RBPJ: variants seen among roughly 807,000 people sequenced by gnomAD.
The protein encoded by RBPJ is recombining binding protein suppressor of hairless.
A neutral mutation model predicts 67.8 loss-of-function variants in RBPJ; 9 were observed. The observed-to-expected ratio is 0.13, with a 90% confidence interval of 0.08 to 0.23. RBPJ has a LOEUF of 0.23. Among genes scored for constraint, RBPJ ranks in the 10% least tolerant of loss-of-function variants. RBPJ has a pLI of 1.00. For missense variants in RBPJ, 305 were observed against 595.6 expected (o/e 0.51, Z 5.08); for synonymous variants, 198 against 203.3 (o/e 0.97, Z 0.22).
At chr4:26,244,247 GTACACA>G (rs1339710857) in intron 1 of RBPJ, among the ~76,000 whole-genome samples, 69 of 3,096 alleles carry the variant, frequency 0.022, 2 homozygotes, top group African/African-American at 0.04. Flanking sequence ...CTATATATGT[GTACACA>G]TACACATATG....
the RBPJ span, among the ~76,000 whole-genome samples, chr4:26,125,399 C>G: frequency 5.9e-5 from 9 of 152,168 alleles, no homozygotes; most frequent in Non-Finnish European, 1.3e-4. Flanking sequence ...TTTATGTATC[C>G]TGTAATCTCT....
At chr4:26,399,498 ATTCTC>A (rs1265049780) in intron 2 of RBPJ, among the ~76,000 whole-genome samples, 4 of 149,846 alleles carry the variant, frequency 2.7e-5, no homozygotes, top group African/African-American at 9.7e-5. Flanking sequence ...TCACTGTAGT[ATTCTC>A]TTTGTGGTAT....
At chr4:26,303,294 T>TAA (rs1722137829) in intron 1 of RBPJ, among the ~76,000 whole-genome samples, 1 of 146,978 alleles carries the variant, frequency 6.8e-6, no homozygotes, top group South Asian at 2.1e-4. Flanking sequence ...TATATATATA[T>TAA]AATCTTTATG....
chr4:26,260,717 C>T (rs1577367291), intron 1 of RBPJ, among the ~76,000 whole-genome samples: 1 of 152,180 alleles, frequency 6.6e-6, no homozygotes, highest in Non-Finnish European at 1.5e-5. Flanking sequence ...CACTCTCTTA[C>T]TCCTTTGTAA....
intron 1 of RBPJ, among the ~76,000 whole-genome samples, chr4:26,181,249 G>A (rs1339790781): frequency 3.9e-5 from 6 of 152,164 alleles, no homozygotes; most frequent in Non-Finnish European, 7.3e-5. Context: ...GTAAGTCTGC[G>A]TGACCCATCA....
At chr4:26,196,310 T>C (rs908028403) in intron 1 of RBPJ, among the ~76,000 whole-genome samples, 6 of 152,156 alleles carry the variant, frequency 3.9e-5, no homozygotes, top group African/African-American at 1.4e-4. Flanking sequence ...AACCTTATAC[T>C]AAATGGAAGA....
the RBPJ span, among the ~76,000 whole-genome samples, chr4:26,119,138 A>G: frequency 6.6e-6 from 1 of 152,218 alleles, no homozygotes; most frequent in East Asian, 1.9e-4. Flanking sequence ...TAAATAAAAT[A>G]CTGTAAGGAA....
At chr4:26,308,201 G>A (rs1320980584) in intron 1 of RBPJ, among the ~76,000 whole-genome samples, 1 of 152,174 alleles carries the variant, frequency 6.6e-6, no homozygotes, top group Non-Finnish European at 1.5e-5. Flanking sequence ...GCGTGAGCCC[G>A]GGAGGCGGAG....
chr4:26,254,897 A>G (rs889661666), intron 1 of RBPJ, among the ~76,000 whole-genome samples: 4 of 99,758 alleles, frequency 4.0e-5, no homozygotes, highest in African/African-American at 9.3e-5. Flanking sequence ...ACAAGGTTTC[A>G]GGCTGGTGTC....
At chr4:26,168,736 A>G (rs1305716698) in intron 1 of RBPJ, among the ~76,000 whole-genome samples, 1 of 152,216 alleles carries the variant, frequency 6.6e-6, no homozygotes, top group East Asian at 1.9e-4. Context: ...GTCTTTTCAC[A>G]TAGTCCCATA....
At chr4:26,304,268 T>C (rs1002941899) in intron 1 of RBPJ, among the ~76,000 whole-genome samples, 3 of 152,258 alleles carry the variant, frequency 2.0e-5, no homozygotes, top group African/African-American at 7.2e-5. Context: ...GACATTTGCA[T>C]TGCTTCCACT....
At chr4:26,176,394 A>G (rs889502597) in intron 1 of RBPJ, among the ~76,000 whole-genome samples, 1 of 152,202 alleles carries the variant, frequency 6.6e-6, no homozygotes, top group Non-Finnish European at 1.5e-5. Flanking sequence ...ACAAGAATCC[A>G]AGTCTTAAAG....
intron 1 of RBPJ, among the ~76,000 whole-genome samples, chr4:26,259,099 G>A (rs1720446118): frequency 1.3e-5 from 2 of 152,256 alleles, no homozygotes; most frequent in East Asian, 1.9e-4. Flanking sequence ...ACCATGCCCG[G>A]CCTAAACATT....
At chr4:26,405,760 C>T (rs73121192) in intron 2 of RBPJ, among the ~76,000 whole-genome samples, 2,760 of 152,010 alleles carry the variant, frequency 0.018, 92 homozygotes, top group African/African-American at 0.062. Context: ...ACATTGCTTC[C>T]GATAGCTGGG....
chr4:26,109,458 C>A, the RBPJ span, among the ~76,000 whole-genome samples: 696 of 14,106 alleles, frequency 0.049, 52 homozygotes, highest in Non-Finnish European at 0.066. Flanking sequence ...CTCTCTCTCT[C>A]TCTATATATA....
At chr4:26,330,687 T>C (rs1007114598) in intron 1 of RBPJ, among the ~76,000 whole-genome samples, 2 of 152,162 alleles carry the variant, frequency 1.3e-5, no homozygotes, top group Non-Finnish European at 2.9e-5. Context: ...TGAGGCATGA[T>C]GGTTTGATTT....
At chr4:26,292,240 CT>C (rs141748563) in intron 1 of RBPJ, among the ~76,000 whole-genome samples, 6,645 of 150,580 alleles carry the variant, frequency 0.044, 560 homozygotes, top group African/African-American at 0.12. Flanking sequence ...TCCTCAGCCC[CT>C]GGCAACCTCT....
At chr4:26,211,965 G>T (rs569082052) in intron 1 of RBPJ, among the ~76,000 whole-genome samples, 1 of 152,166 alleles carries the variant, frequency 6.6e-6, no homozygotes, top group Non-Finnish European at 1.5e-5. Flanking sequence ...GGGGTGATGC[G>T]CCAGATGCCA....
At chr4:26,321,428 G>C (rs1460097317) in intron 1 of RBPJ, 2 of 151,758 alleles carry the variant, frequency 1.3e-5, no homozygotes, top group Admixed American at 1.3e-4. Flanking sequence ...TAGTGCCCCC[G>C]GCCCCGGGCG....
Sources: allele counts gnomAD v4.1 joint callset (sites outside exome capture counted in the v4.1 genomes callset), GRCh38; gene constraint gnomAD v4.1.1; transcripts MANE v1.5; gene names NCBI Gene and HGNC (gene_info 2026-07-23, HGNC 2026-07-21).